Variants in KCNMA1 observed in about 807,000 individuals in gnomAD.
KCNMA1 encodes the protein Calcium-activated potassium channel subunit alpha-1.
KCNMA1 carries 29 observed loss-of-function variants against 140.0 expected under a neutral mutation model. That is an observed-to-expected ratio of 0.21 (90% CI 0.15 to 0.28). The LOEUF (loss-of-function observed/expected upper bound fraction) is 0.28. KCNMA1 is among the 10% of genes least tolerant of loss of function. The probability of loss-of-function intolerance (pLI) is 1.00; values close to 1 mark genes in which losing one functional copy is unlikely to be tolerated. For synonymous variants in KCNMA1, 612 were observed against 611.9 expected, an observed-to-expected ratio of 1.00 and a Z score of 0.00; for missense variants, 880 against 1,602.2, an observed-to-expected ratio of 0.55 and a Z score of 7.70.
chr10:77,070,148 C>T (rs117339394), intron 14 of KCNMA1, among the ~76,000 whole-genome samples: 3,412 of 152,112 alleles, frequency 0.022, 60 homozygotes, highest in South Asian at 0.053. Flanking sequence ...AAACATATCA[C>T]CCCCACTTTC....
intron 3 of KCNMA1, among the ~76,000 whole-genome samples, chr10:77,201,825 A>C (rs887001454): frequency 4.1e-5 from 6 of 145,578 alleles, no homozygotes; most frequent in African/African-American, 1.5e-4. Context: ...TCTACACAGC[A>C]AAAAAAAAAA....
chr10:77,027,036 A>G (rs940244536), intron 16 of KCNMA1, among the ~76,000 whole-genome samples: 4 of 152,180 alleles, frequency 2.6e-5, no homozygotes, highest in Admixed American at 6.5e-5. Context: ...CAAAAGCTTG[A>G]GCATTTCTCA....
chr10:77,153,539 T>C (rs982515345), intron 5 of KCNMA1, among the ~76,000 whole-genome samples: 2 of 151,982 alleles, frequency 1.3e-5, no homozygotes, highest in African/African-American at 2.4e-5. Flanking sequence ...ATCCAGCTAA[T>C]TTTTTGTATT....
intron 3 of KCNMA1, among the ~76,000 whole-genome samples, chr10:77,238,159 G>T (rs2056186302): frequency 6.6e-6 from 1 of 152,156 alleles, no homozygotes; most frequent in African/African-American, 2.4e-5. Context: ...TGTCAAACTG[G>T]TCTGAAGACT....
At chr10:77,167,858 T>C (rs911039623) in intron 5 of KCNMA1, among the ~76,000 whole-genome samples, 4 of 152,010 alleles carry the variant, frequency 2.6e-5, no homozygotes, top group African/African-American at 4.8e-5. Flanking sequence ...AATTTTTGTA[T>C]TTTTTGTAGA....
At chr10:76,981,318 T>C (rs188096143) in intron 19 of KCNMA1, among the ~76,000 whole-genome samples, 30 of 152,018 alleles carry the variant, frequency 2.0e-4, no homozygotes, top group Non-Finnish European at 1.8e-4. Flanking sequence ...TCAAGTCAAA[T>C]AATTAGGTTT....
chr10:77,577,988 T>C (rs1157837629), intron 1 of KCNMA1, among the ~76,000 whole-genome samples: 1 of 152,250 alleles, frequency 6.6e-6, no homozygotes, highest in Non-Finnish European at 1.5e-5. Flanking sequence ...CATGGCCAGC[T>C]AGCTATAATT....
chr10:77,308,366 G>A (rs1429778053), intron 2 of KCNMA1, among the ~76,000 whole-genome samples: 1 of 152,214 alleles, frequency 6.6e-6, no homozygotes, highest in African/African-American at 2.4e-5. Context: ...GCATAGCCCA[G>A]ATGAAATGAT....
chr10:77,139,455 A>G (rs79456737), intron 5 of KCNMA1, among the ~76,000 whole-genome samples: 1 of 152,206 alleles, frequency 6.6e-6, no homozygotes, highest in South Asian at 2.1e-4. Context: ...ATCAGTTCTA[A>G]TGAAAAGGAT....
At chr10:77,044,121 T>A (rs527846803) in intron 14 of KCNMA1, among the ~76,000 whole-genome samples, 11 of 152,284 alleles carry the variant, frequency 7.2e-5, no homozygotes, top group African/African-American at 2.6e-4. Context: ...AGGACACGAA[T>A]AGGCCAATCA....
At chr10:76,941,627 C>G (rs1202926708) in intron 23 of KCNMA1, among the ~76,000 whole-genome samples, 1 of 152,206 alleles carries the variant, frequency 6.6e-6, no homozygotes, top group African/African-American at 2.4e-5. Flanking sequence ...TTGACACTCT[C>G]TCTTAGGGAG....
chr10:77,382,893 T>A lies in KCNMA1; in HGVS notation c.540+20969A>T, dbSNP rs1321037226. On this transcript the variant is annotated intron_variant, in intron 2 of 27. Coordinates refer to ENST00000286628, the MANE Select transcript of KCNMA1 (RefSeq NM_001161352.2). The stretch of plus-strand genomic sequence containing the variant: ...AAAAAAAAAAAAAAAAAAATATATA[T>A]ATATATATATACACACACACACACA... Among the ~76,000 whole-genome samples the A allele has an allele frequency of 4.2e-4, 45 of 106,644 alleles. 3 individuals carry two copies. The highest frequency in any genetic ancestry group is 4.9e-4 in the African/African-American group (14 of 28,418). The allele number at this position is 106,644 out of a possible 152,430, so 70.0% of individuals were successfully genotyped here. A position where few individuals can be genotyped will look rare whatever the true frequency, so the allele number is the denominator to read the frequency against.
intron 1 of KCNMA1, among the ~76,000 whole-genome samples, chr10:77,481,579 C>T (rs1816841607): frequency 6.6e-6 from 1 of 151,820 alleles, no homozygotes; most frequent in Non-Finnish European, 1.5e-5. Context: ...TCGAGACCAT[C>T]CTGGTGAACA....
At chr10:77,242,899 TACACACACACACACACACACACACAC>T (rs199668848) in intron 3 of KCNMA1, among the ~76,000 whole-genome samples, 3 of 111,578 alleles carry the variant, frequency 2.7e-5, no homozygotes, top group African/African-American at 1.0e-4. Context: ...AATTGTTTCC[TACACACACACACACACACACACACAC>T]ACACACACAC....
chr10:76,924,482 TTA>T (rs1305046631), intron 23 of KCNMA1, among the ~76,000 whole-genome samples: 1 of 152,188 alleles, frequency 6.6e-6, no homozygotes, highest in Non-Finnish European at 1.5e-5. Flanking sequence ...CACATTTTAT[TTA>T]TGTAATGAAA....
intron 14 of KCNMA1, among the ~76,000 whole-genome samples, chr10:77,047,396 A>G (rs899242327): frequency 1.3e-5 from 2 of 152,198 alleles, no homozygotes; most frequent in Non-Finnish European, 2.9e-5. Context: ...ACTACACCAC[A>G]TGTAAAAGTA....
At chr10:77,213,457 C>T (rs2046752062) in intron 3 of KCNMA1, among the ~76,000 whole-genome samples, 1 of 152,280 alleles carries the variant, frequency 6.6e-6, no homozygotes, top group Non-Finnish European at 1.5e-5. Flanking sequence ...AAAGGAGCAG[C>T]AAGAGATGGA....
chr10:77,464,644 G>A (rs1386244984), intron 1 of KCNMA1, among the ~76,000 whole-genome samples: 1 of 152,094 alleles, frequency 6.6e-6, no homozygotes, highest in Non-Finnish European at 1.5e-5. Flanking sequence ...TTAAGTGAGT[G>A]GGTCAGAGTC....
chr10:77,416,741 T>G (rs187052977), intron 1 of KCNMA1, among the ~76,000 whole-genome samples: 7 of 152,318 alleles, frequency 4.6e-5, no homozygotes, highest in African/African-American at 1.7e-4. Context: ...GGGCAGAGTC[T>G]GCCTGATTTG....
Sources: gnomAD v4.1 joint callset for allele counts (sites outside exome capture counted in the v4.1 genomes callset) on GRCh38, gnomAD v4.1.1 for gene constraint, MANE v1.5 for transcripts, NCBI Gene and HGNC (gene_info 2026-07-23, HGNC 2026-07-21) for gene names.